Variants in LRP2 observed in about 807,000 individuals in gnomAD.
LRP2 encodes the protein LDL receptor related protein 2.
LRP2 carries 172 observed loss-of-function variants against 531.0 expected under a neutral mutation model. That is an observed-to-expected ratio of 0.32 (90% CI 0.29 to 0.37). The LOEUF (loss-of-function observed/expected upper bound fraction) is 0.37. LRP2 is among the 10% of genes least tolerant of loss of function. The pLI, the probability that LRP2 is intolerant of heterozygous loss-of-function variation, is 1.00. For missense variants in LRP2, 5,167 were observed against 5,868.3 expected (o/e 0.88, Z 3.90); for synonymous variants, 1,992 against 2,027.6 (o/e 0.98, Z 0.47).
intron 1 of LRP2, among the ~76,000 whole-genome samples, chr2:169,337,581 C>T (rs1158842345): frequency 4.6e-5 from 7 of 152,154 alleles, no homozygotes; most frequent in South Asian, 2.1e-4. Context: ...AACAATGACT[C>T]CAAAGGCCTC....
At chr2:169,337,800 C>T (rs1268056485) in intron 1 of LRP2, among the ~76,000 whole-genome samples, 2 of 152,154 alleles carry the variant, frequency 1.3e-5, no homozygotes, top group Non-Finnish European at 2.9e-5. Flanking sequence ...TATTACCAGG[C>T]TTACTGATCA....
chr2:169,151,968 T>G (rs1293342992), intron 67 of LRP2, among the ~76,000 whole-genome samples: 1 of 152,126 alleles, frequency 6.6e-6, no homozygotes, highest in African/African-American at 2.4e-5. Flanking sequence ...ACACTGAAAA[T>G]AACTATCCAT....
rs1341745528 is a variant in LRP2 at position 169,175,339 on chromosome 2, C to A, written c.10622G>T (p.Gly3541Val). Residue 3541 changes from glycine to valine, a missense_variant, in exon 55 of 79, where the codon GGC (glycine) becomes GTC (valine). This residue lies in a region of LRP2 where 311 missense variants were observed against 309.4 expected (regional missense o/e 1.01). Coordinates refer to ENST00000649046, the MANE Select transcript of LRP2 (RefSeq NM_004525.3). The part of the protein sequence containing the change: ...KCDGQKDCSD[G>V]SDELALCPQR... ...CGGGCAAAGGGCCAGTTCATCAGAG[C>A]CATCTGAGCAGTCTTTCTGTCCATC... 6.2e-7 allele frequency: 1 copy of A among 1,614,180 alleles called. No homozygotes were observed. Among genetic ancestry groups the A allele is most frequent in the South Asian group, 1.1e-5 (1 of 91,084 alleles).
intron 32 of LRP2, 32 bp from the exon 33 acceptor site, chr2:169,225,485 TC>T: frequency 6.2e-7 from 1 of 1,613,238 alleles, no homozygotes; most frequent in Non-Finnish European, 8.5e-7. Context: ...GGTGAGCAGT[TC>T]CAAGGCCATG....
chr2:169,238,172 T>G lies in LRP2; in HGVS notation c.4425A>C (p.Ser1475=). The G allele has an allele frequency of 6.2e-7, 1 of 1,614,148 alleles. No homozygotes were observed. The highest frequency in any genetic ancestry group is 8.5e-7 in the Non-Finnish European group (1 of 1,179,996). Residue 1475 remains serine (S), a synonymous_variant, in exon 27 of 79, where the codon TCA becomes TCC. Coordinates refer to ENST00000649046, the MANE Select transcript of LRP2 (RefSeq NM_004525.3). ...GSYIVAVDFD[S]ISGRIFWSDA... ...CAGACCAAAAGATACGACCACTAATTGAATCAAAATCAACAGCTACAATGT... is the reference window on the plus strand; with the variant it reads ...CAGACCAAAAGATACGACCACTAATGGAATCAAAATCAACAGCTACAATGT...
At chr2:169,234,738 C>A in intron 29 of LRP2, among the ~76,000 whole-genome samples, 1 of 152,144 alleles carries the variant, frequency 6.6e-6, no homozygotes, top group East Asian at 1.9e-4. Context: ...TACACTCCCA[C>A]CAACAGTGTA....
At chr2:169,167,299 G>C (rs937204399) in intron 61 of LRP2, among the ~76,000 whole-genome samples, 1 of 152,184 alleles carries the variant, frequency 6.6e-6, no homozygotes, top group Non-Finnish European at 1.5e-5. Flanking sequence ...AAAGTTTTCT[G>C]AGGAGAAACA....
chr2:169,172,237 C>G, intron 57 of LRP2, 103 bp from the exon 58 acceptor site: 1 of 1,325,460 alleles, frequency 7.5e-7, no homozygotes, highest in Non-Finnish European at 1.1e-6. Context: ...TATTAGCTCA[C>G]TCTTGAAGCT....
chr2:169,292,496 C>T (rs1214652075), intron 6 of LRP2, 127 bp from the exon 7 acceptor site: 5 of 698,694 alleles, frequency 7.2e-6, no homozygotes, highest in South Asian at 1.6e-5. Context: ...ATCCCTTAGA[C>T]ATCTTGACAA....
chr2:169,229,636 A>G (rs1454764490), intron 31 of LRP2, among the ~76,000 whole-genome samples: 3 of 152,214 alleles, frequency 2.0e-5, no homozygotes, highest in Non-Finnish European at 1.5e-5. Flanking sequence ...AAAGTCTCAT[A>G]CAGAGAAAGC....
chr2:169,193,778 T>C lies in LRP2; in HGVS notation c.8813A>G (p.Asp2938Gly), dbSNP rs775451565. ...DNDCGDMSDE[D>G]KRHQCQNQNC... ...TCACTTACGACACTGGTGCCTTTTATCCTCGTCACTCATATCCCCACAGTC... is the reference window on the plus strand; with the variant it reads ...TCACTTACGACACTGGTGCCTTTTACCCTCGTCACTCATATCCCCACAGTC... Residue 2938 changes from aspartate (D) to glycine (G), a missense_variant, in exon 47 of 79, where the codon GAT becomes GGT. Physicochemically the swap from Asp to Gly is moderately conservative, Grantham distance 94. This residue lies in a region of LRP2 where 1,129 missense variants were observed against 1,362.7 expected (regional missense o/e 0.83). Coordinates refer to ENST00000649046, the MANE Select transcript of LRP2 (RefSeq NM_004525.3). The C allele has an allele frequency of 4.3e-6, 7 of 1,614,176 alleles. No individual in the cohort carries two copies. The highest frequency in any genetic ancestry group is 5.9e-6 in the Non-Finnish European group (7 of 1,180,022).
chr2:169,229,355 G>A (rs1222317354), intron 31 of LRP2, among the ~76,000 whole-genome samples: 1 of 152,112 alleles, frequency 6.6e-6, no homozygotes, highest in African/African-American at 2.4e-5. Context: ...GTAATTGAAC[G>A]ACAATATATA....
intron 35 of LRP2, 81 bp downstream of exon 35, chr2:169,216,172 C>A: frequency 6.9e-7 from 1 of 1,444,490 alleles, no homozygotes; most frequent in South Asian, 1.2e-5. Context: ...GTTCAAGAAC[C>A]ACTGCCTGAC....
intron 49 of LRP2, 145 bp from the exon 50 acceptor site, chr2:169,186,164 G>T: frequency 1.4e-6 from 1 of 734,942 alleles, no homozygotes; most frequent in Non-Finnish European, 2.2e-6. Flanking sequence ...AAAGACTGTG[G>T]ATTATTGAAA....
intron 77 of LRP2, among the ~76,000 whole-genome samples, chr2:169,132,338 A>G (rs1685322766): frequency 6.6e-6 from 1 of 152,196 alleles, no homozygotes; most frequent in South Asian, 2.1e-4. Context: ...TCTTTGTGAC[A>G]TGTCCTCCTA....
intron 33 of LRP2, among the ~76,000 whole-genome samples, chr2:169,222,400 G>A (rs1398231384): frequency 6.6e-6 from 1 of 152,216 alleles, no homozygotes; most frequent in Non-Finnish European, 1.5e-5. Flanking sequence ...TAGCTCATGA[G>A]TGGAGAAAAT....
At chr2:169,168,192 A>G (rs898136287) in intron 61 of LRP2, among the ~76,000 whole-genome samples, 1 of 151,462 alleles carries the variant, frequency 6.6e-6, no homozygotes, top group African/African-American at 2.4e-5. Flanking sequence ...GGGCACCCAA[A>G]GTAGGATACA....
chr2:169,273,125 C>T (rs781211032), intron 14 of LRP2, 58 bp from the exon 15 acceptor site: 14 of 1,597,892 alleles, frequency 8.8e-6, no homozygotes, highest in East Asian at 4.5e-5. Flanking sequence ...TTATCCAAGA[C>T]ATGAAGCCAC....
At chr2:169,211,157 G>A (rs982597303) in intron 37 of LRP2, among the ~76,000 whole-genome samples, 2 of 152,178 alleles carry the variant, frequency 1.3e-5, no homozygotes, top group African/African-American at 4.8e-5. Context: ...GAGGACGTGT[G>A]GGACTGGAAG....
Sources: gnomAD v4.1 joint callset for allele counts (sites outside exome capture counted in the v4.1 genomes callset) on GRCh38, gnomAD v4.1.1 for gene constraint, gnomAD v4.1.1 regional missense constraint, MANE v1.5 for transcripts, NCBI Gene and HGNC (gene_info 2026-07-23, HGNC 2026-07-21) for gene names.